CHST15: variants seen among roughly 807,000 people sequenced by gnomAD.
CHST15 encodes the protein B cell RAG associated protein (GALNAC4S-6ST).
CHST15 carries 30 observed loss-of-function variants against 53.6 expected under a neutral mutation model. The ratio of observed to expected loss-of-function variants is 0.56; its 90% CI spans 0.42 to 0.76. The LOEUF is 0.76. Ranked by LOEUF, CHST15 falls within the 30% of genes least tolerant of loss-of-function variation. CHST15 has a pLI of 0.00. For synonymous variants in CHST15, 296 were observed against 289.8 expected (o/e 1.02, Z -0.22); for missense variants, 627 against 740.5 (o/e 0.85, Z 1.78).
At chr10:124,058,873 T>C (rs1166820443) in intron 1 of CHST15, among the ~76,000 whole-genome samples, 1 of 152,240 alleles carries the variant, frequency 6.6e-6, no homozygotes, top group East Asian at 1.9e-4. Context: ...AGGGCTTCCT[T>C]GTGTCCAGAC....
intron 6 of CHST15, among the ~76,000 whole-genome samples, chr10:124,018,245 G>A (rs1385924639): frequency 6.6e-6 from 1 of 152,154 alleles, no homozygotes; most frequent in African/African-American, 2.4e-5. Context: ...ACTAAAGTAG[G>A]CAAATCCCCC....
rs1437701905 is a variant in CHST15 at position 124,019,231 on chromosome 10, C to A, written c.1347+2025G>T. On this transcript the variant is annotated intron_variant, in intron 6 of 7. Coordinates refer to ENST00000435907, the MANE Select transcript of CHST15 (RefSeq NM_001270764.2). This position sits in a 1 kb window ranked among gnomAD's most constrained non-coding sequence, Gnocchi z 4.6. Reference sequence around the variant, plus strand: ...GATCAGTGCTGGAAGAAACCACAACCCCACCTTGAGGCGTCATGCCAGCGC... The same window carrying A: ...GATCAGTGCTGGAAGAAACCACAACACCACCTTGAGGCGTCATGCCAGCGC... 6.6e-6 allele frequency among the ~76,000 whole-genome samples: 1 copy of A among 152,148 alleles called. No homozygotes were observed. Among genetic ancestry groups the A allele is most frequent in the Non-Finnish European group, 1.5e-5 (1 of 68,022 alleles).
intron 5 of CHST15, among the ~76,000 whole-genome samples, chr10:124,023,411 G>A (rs1220082962): frequency 6.6e-6 from 1 of 151,772 alleles, no homozygotes; most frequent in African/African-American, 2.4e-5. Flanking sequence ...CCTGAGCCCA[G>A]GAAGTTGAGG....
chr10:124,085,703 C>G (rs1298375083), intron 1 of CHST15, among the ~76,000 whole-genome samples: 1 of 152,212 alleles, frequency 6.6e-6, no homozygotes, highest in Non-Finnish European at 1.5e-5. Context: ...TGGAGCCCAG[C>G]ACAGTGTGGG....
intron 5 of CHST15, among the ~76,000 whole-genome samples, chr10:124,032,309 T>C (rs1408540884): frequency 1.3e-5 from 2 of 152,350 alleles, no homozygotes; most frequent in East Asian, 3.9e-4. Context: ...GAACCATTCC[T>C]GTGGTGGGTT....
At chr10:124,043,867 C>CTGAGA (rs1947835021) in intron 3 of CHST15, among the ~76,000 whole-genome samples, 1 of 151,862 alleles carries the variant, frequency 6.6e-6, no homozygotes, top group Non-Finnish European at 1.5e-5. Context: ...CAGCACATAG[C>CTGAGA]TGAGAACAGC....
chr10:124,010,353 A>T lies in CHST15; in HGVS notation c.1496-14T>A. 6.4e-7 allele frequency: 1 copy of T among 1,557,844 alleles called. No individual in the cohort carries two copies. Among genetic ancestry groups the T allele is most frequent in the Non-Finnish European group, 8.7e-7 (1 of 1,152,248 alleles). ...CACTTAAGGGCCCTAGAATAAAAGA[A>T]GACGAGTCCCGTAAGGCAGGAGGCA... is the stretch of plus-strand genomic sequence containing the variant. On this transcript the variant is annotated splice_polypyrimidine_tract_variant and intron_variant, in intron 7 of 7. Coordinates refer to ENST00000435907, the MANE Select transcript of CHST15 (RefSeq NM_001270764.2).
chr10:124,045,711 T>G lies in CHST15; in HGVS notation c.502A>C (p.Arg168=), dbSNP rs746334508. 1.2e-6 allele frequency: 2 copies of G among 1,613,106 alleles called. No homozygotes were observed. Among genetic ancestry groups the G allele is most frequent in the Non-Finnish European group, 1.7e-6 (2 of 1,179,330 alleles). Residue 168 remains arginine (R), a synonymous_variant, in exon 2 of 8, where the codon AGA becomes CGA. Transcript: ENST00000435907. ...AGGTCTTCTAAGTCTGGGAGCTGTC[T>G]GGTCGTGAACTCAATCCTAGTTGTG... is the stretch of plus-strand genomic sequence containing the variant. The part of the protein sequence containing the change: ...SITTRIEFTT[R]QLPDLEDLKK...
rs569662517 is a variant in CHST15, at chr10:124,017,712, T to C, written c.1347+3544A>G. Among the ~76,000 whole-genome samples the C allele has an allele frequency of 3.3e-5, 5 of 152,280 alleles. No homozygotes were observed. In the East Asian group the frequency reaches 5.8e-4, roughly 18 times the overall value. On this transcript the variant is annotated intron_variant, in intron 6 of 7. Coordinates refer to ENST00000435907, the MANE Select transcript of CHST15 (RefSeq NM_001270764.2). Reference sequence around the variant, plus strand: ...CTGGGTTAAAAGGCCTAGATTTGGGTCCTAGATCCTCTGCTTACTGGCTGT... The same window carrying C: ...CTGGGTTAAAAGGCCTAGATTTGGGCCCTAGATCCTCTGCTTACTGGCTGT...
chr10:124,059,170 A>G (rs1948477462), intron 1 of CHST15, among the ~76,000 whole-genome samples: 1 of 152,204 alleles, frequency 6.6e-6, no homozygotes, highest in Non-Finnish European at 1.5e-5. Flanking sequence ...CTCAAAGTCA[A>G]TGTGGAAGGC....
intron 1 of CHST15, among the ~76,000 whole-genome samples, chr10:124,085,864 G>C (rs544314609): frequency 1.3e-5 from 2 of 152,180 alleles, no homozygotes; most frequent in Non-Finnish European, 2.9e-5. Flanking sequence ...TGGGGGGCTC[G>C]ATGATGAAGT....
chr10:124,013,207 G>A (rs58463976), intron 6 of CHST15, among the ~76,000 whole-genome samples: 39,869 of 152,026 alleles, frequency 0.26, 5,363 homozygotes, highest in East Asian at 0.35. Context: ...TGGTTGGCCT[G>A]AGGGCTTTGG....
chr10:124,045,746 ATAAT>A lies in CHST15; in HGVS notation c.463_466del (p.Ile155SerfsTer18), dbSNP rs776289611. On this transcript the variant is annotated frameshift_variant, in exon 2 of 8. Coordinates refer to ENST00000435907, the MANE Select transcript of CHST15 (RefSeq NM_001270764.2). LOFTEE classifies it high-confidence loss of function. ...CTCAATCCTAGTTGTGATGCTGTTG[ATAAT>A]TAATTTAATGCTTGGATAGTCCTTC... is the stretch of plus-strand genomic sequence containing the variant. 5.0e-6 allele frequency: 8 copies of A among 1,614,164 alleles called. No individual in the cohort carries two copies. The highest frequency in any genetic ancestry group is 1.7e-5 in the Admixed American group (1 of 60,022).
chr10:124,010,844 T>G, intron 7 of CHST15: 1 of 985,350 alleles, frequency 1.0e-6, no homozygotes, highest in Non-Finnish European at 1.2e-6. Flanking sequence ...GAAGTGGCCA[T>G]AGGGAGGAGG....
intron 1 of CHST15, among the ~76,000 whole-genome samples, chr10:124,048,450 G>A (rs1452641603): frequency 1.3e-5 from 2 of 152,196 alleles, no homozygotes; most frequent in Admixed American, 6.5e-5. Flanking sequence ...GGGAAGCCAG[G>A]CCAGACATCT....
At position 124,046,387 on chromosome 10, in the gene CHST15, G is replaced by A. The variant is rs1948006827; in HGVS notation, c.-175C>T. The stretch of plus-strand genomic sequence containing the variant: ...CACCACAGCACTAGAGAAAGAGGGT[G>A]CACATTCTTTGGTTCAGCTCCGAAA... On this transcript the variant is annotated 5_prime_UTR_variant, in exon 2 of 8. Transcript: ENST00000435907. The A allele has an allele frequency of 1.7e-6, 1 of 601,796 alleles. No homozygotes were observed. Among genetic ancestry groups the A allele is most frequent in the African/African-American group, 1.9e-5 (1 of 53,722 alleles). The allele number at this position is 601,796 out of a possible 1,614,324, so 37.3% of individuals were successfully genotyped here. A position where few individuals can be genotyped will look rare whatever the true frequency, so the allele number is the denominator to read the frequency against.
chr10:124,017,499 A>G (rs896711108), intron 6 of CHST15, among the ~76,000 whole-genome samples: 4 of 141,918 alleles, frequency 2.8e-5, no homozygotes, highest in Non-Finnish European at 4.8e-5. Context: ...GAAAGTTTCA[A>G]AAGGCACAAT....
At chr10:124,078,784 A>G (rs1402132878) in intron 1 of CHST15, among the ~76,000 whole-genome samples, 5 of 152,218 alleles carry the variant, frequency 3.3e-5, no homozygotes, top group African/African-American at 1.2e-4. Context: ...TTAATAAGAA[A>G]AATAAGGTCT....
intron 4 of CHST15, among the ~76,000 whole-genome samples, chr10:124,040,465 C>CA (rs1947692069): frequency 6.6e-6 from 1 of 152,212 alleles, no homozygotes; most frequent in Admixed American, 6.5e-5. Flanking sequence ...CAAGTTCAGC[C>CA]ATCACGTTCA....
Sources: gnomAD v4.1 joint callset for allele counts (sites outside exome capture counted in the v4.1 genomes callset) on GRCh38, gnomAD v4.1.1 for gene constraint, Gnocchi (gnomAD v3.1) non-coding constraint, MANE v1.5 for transcripts, NCBI Gene and HGNC (gene_info 2026-07-23, HGNC 2026-07-21) for gene names.